ANKFN1: variants seen among roughly 807,000 people sequenced by gnomAD.
ANKFN1 encodes the protein ankyrin repeat and fibronectin type-III domain-containing protein 1.
In ANKFN1, 74 loss-of-function variants were observed where a neutral mutation model predicts 108.7. The observed-to-expected ratio is 0.68, with a 90% CI of 0.56 to 0.83. The LOEUF (loss-of-function observed/expected upper bound fraction) is 0.83. ANKFN1 is among the 40% of genes least tolerant of loss of function. The pLI is 0.00. For missense variants in ANKFN1, 1,505 were observed against 1,382.3 expected, an observed-to-expected ratio of 1.09 and a Z score of -1.41; for synonymous variants, 547 against 516.2, an observed-to-expected ratio of 1.06 and a Z score of -0.81.
At chr17:56,382,925 C>T (rs1453650705) in intron 8 of ANKFN1, among the ~76,000 whole-genome samples, 5 of 152,136 alleles carry the variant, frequency 3.3e-5, no homozygotes, top group African/African-American at 1.2e-4. Context: ...ATCAATGAGA[C>T]AGGAAGTTAA....
At chr17:56,253,982 A>T (rs1473639570) in intron 3 of ANKFN1, 1 of 152,184 alleles carries the variant, frequency 6.6e-6, no homozygotes, top group Non-Finnish European at 1.5e-5. Flanking sequence ...TTTAACAACG[A>T]CTGTGAGATG....
intron 1 of ANKFN1, among the ~76,000 whole-genome samples, chr17:56,173,683 A>G (rs1236660683): frequency 6.6e-6 from 1 of 152,010 alleles, no homozygotes; most frequent in Admixed American, 6.6e-5. Flanking sequence ...GCTGGTTGTG[A>G]ACTTCTGGCC....
At chr17:56,137,213 G>A (rs1489093129) in intron 4 of ANKFN1, among the ~76,000 whole-genome samples, 1 of 152,226 alleles carries the variant, frequency 6.6e-6, no homozygotes, top group East Asian at 1.9e-4. Context: ...GAAAGGGAAT[G>A]AGTTTCCCAG....
intron 14 of ANKFN1, among the ~76,000 whole-genome samples, chr17:56,465,476 A>T (rs1321699431): frequency 6.6e-6 from 1 of 152,172 alleles, no homozygotes; most frequent in African/African-American, 2.4e-5. Flanking sequence ...CTATTTCTGT[A>T]TTCATGCTAA....
intron 4 of ANKFN1, among the ~76,000 whole-genome samples, chr17:56,049,891 C>A (rs78314977): frequency 0.53 from 79,296 of 150,438 alleles, 22,989 homozygotes; most frequent in Middle Eastern, 0.68. Flanking sequence ...ATTTATAGTC[C>A]TTTGGGTATA....
intron 11 of ANKFN1, 100 bp downstream of exon 11, chr17:56,449,286 GAGAGAGAT>G: frequency 5.1e-6 from 4 of 779,940 alleles, no homozygotes; most frequent in Non-Finnish European, 8.1e-6. Context: ...ATTCATCAGG[GAGAGAGAT>G]ATTAATATTT....
At chr17:56,418,094 T>A (rs2048293748) in intron 8 of ANKFN1, among the ~76,000 whole-genome samples, 1 of 152,230 alleles carries the variant, frequency 6.6e-6, no homozygotes, top group Non-Finnish European at 1.5e-5. Flanking sequence ...TAAGTACATT[T>A]ATTTGATCAT....
At chr17:56,481,488 A>G (rs898499416) in intron 17 of ANKFN1, among the ~76,000 whole-genome samples, 1 of 105,704 alleles carries the variant, frequency 9.5e-6, no homozygotes, top group African/African-American at 2.5e-5. Flanking sequence ...TCCCTCCCCA[A>G]AACACACACA....
At chr17:56,447,021 G>A (rs1472801026) in intron 10 of ANKFN1, among the ~76,000 whole-genome samples, 2 of 150,594 alleles carry the variant, frequency 1.3e-5, no homozygotes, top group East Asian at 3.9e-4. Flanking sequence ...CCAGAAGTTC[G>A]AGACCAGCCT....
At chr17:56,380,474 G>A (rs2047064165) in intron 8 of ANKFN1, among the ~76,000 whole-genome samples, 1 of 152,196 alleles carries the variant, frequency 6.6e-6, no homozygotes, top group Non-Finnish European at 1.5e-5. Context: ...AGCCAAAGCA[G>A]GATGAGGCAT....
intron 8 of ANKFN1, among the ~76,000 whole-genome samples, chr17:56,439,110 T>C (rs749848717): frequency 2.0e-5 from 3 of 151,654 alleles, no homozygotes; most frequent in Non-Finnish European, 4.4e-5. Flanking sequence ...GTTTCAAGAG[T>C]GTGAGGAAAG....
At chr17:56,461,888 A>G (rs1210361340) in intron 14 of ANKFN1, among the ~76,000 whole-genome samples, 1 of 152,224 alleles carries the variant, frequency 6.6e-6, no homozygotes, top group African/African-American at 2.4e-5. Flanking sequence ...GGGAAAAGGG[A>G]TCACAGAAAT....
At chr17:56,343,941 A>G (rs1404942460) in intron 4 of ANKFN1, among the ~76,000 whole-genome samples, 1 of 151,920 alleles carries the variant, frequency 6.6e-6, no homozygotes, top group Non-Finnish European at 1.5e-5. Flanking sequence ...TCTCTTTATT[A>G]TATTTTCTAT....
At chr17:56,046,709 A>G in intron 4 of ANKFN1, among the ~76,000 whole-genome samples, 1 of 152,100 alleles carries the variant, frequency 6.6e-6, no homozygotes, top group East Asian at 1.9e-4. Flanking sequence ...AAGCGCCTTA[A>G]TGTGGAGGGG....
At chr17:56,385,958 A>T (rs1415617831) in intron 8 of ANKFN1, among the ~76,000 whole-genome samples, 6 of 152,186 alleles carry the variant, frequency 3.9e-5, no homozygotes, top group African/African-American at 7.2e-5. Flanking sequence ...TGACCCAGCC[A>T]TCCCATTACT....
chr17:56,357,610 A>G (rs987474315), intron 6 of ANKFN1, among the ~76,000 whole-genome samples: 1 of 152,218 alleles, frequency 6.6e-6, no homozygotes, highest in Non-Finnish European at 1.5e-5. Flanking sequence ...GGCAGGATAG[A>G]AAAACATAGT....
chr17:56,309,495 T>C (rs2144424873), intron 3 of ANKFN1, among the ~76,000 whole-genome samples: 1 of 152,300 alleles, frequency 6.6e-6, no homozygotes, highest in South Asian at 2.1e-4. Context: ...ACATTTTCTC[T>C]GTTTCATTGA....
intron 14 of ANKFN1, among the ~76,000 whole-genome samples, chr17:56,464,066 C>A (rs1168013360): frequency 6.6e-6 from 1 of 152,092 alleles, no homozygotes; most frequent in Non-Finnish European, 1.5e-5. Context: ...TTGCTTTAGG[C>A]CCTAAAGAAC....
chr17:56,310,028 T>C (rs1465720406), intron 3 of ANKFN1, among the ~76,000 whole-genome samples: 2 of 152,136 alleles, frequency 1.3e-5, no homozygotes, highest in Admixed American at 6.5e-5. Flanking sequence ...TCCTGGATCG[T>C]TGAGCCATGA....
Sources: allele counts gnomAD v4.1 joint callset (sites outside exome capture counted in the v4.1 genomes callset), GRCh38; gene constraint gnomAD v4.1.1; transcripts MANE v1.5; gene names NCBI Gene and HGNC (gene_info 2026-07-23, HGNC 2026-07-21).